BSCL2: variants seen among roughly 807,000 people sequenced by gnomAD.
BSCL2 encodes seipin.
In BSCL2, 41 loss-of-function variants were observed where a neutral mutation model predicts 57.4. That is an observed-to-expected ratio of 0.71 (90% CI 0.56 to 0.93). BSCL2 has a LOEUF of 0.93. BSCL2 is among the 40% of genes least tolerant of loss of function. The probability of loss-of-function intolerance (pLI) is 0.00; values close to 1 mark genes in which losing one functional copy is unlikely to be tolerated. For missense variants in BSCL2, 539 were observed against 586.7 expected (o/e 0.92, Z 0.84); for synonymous variants, 237 against 227.3 (o/e 1.04, Z -0.38).
In BSCL2 at chr11:62,691,407, T is replaced by C; in HGVS notation, c.878A>G (p.Asn293Ser). ...HFTGLRYLLY[N>S]FPMTCAFIGV... ...TATGAAGGCGCAGGTCATCGGGAAG[T>C]TGTATAGCAGGTATCTGAGGCAGGA... Residue 293 changes from asparagine (N) to serine (S), a missense_variant, in exon 7 of 11, where the codon AAC becomes AGC. By Grantham distance (46) the Asn-to-Ser change is conservative. This residue lies in a region of BSCL2 where 248 missense variants were observed against 239.9 expected (regional missense o/e 1.03). Coordinates refer to ENST00000360796, the MANE Select transcript of BSCL2 (RefSeq NM_001122955.4). The C allele has an allele frequency of 3.1e-6, 5 of 1,614,090 alleles. No individual in the cohort carries two copies. Among genetic ancestry groups the C allele is most frequent in the Admixed American group, 1.7e-5 (1 of 60,008 alleles).
Position 62,705,599 on chromosome 11 carries a change from A to C in BSCL2, c.106T>G (p.Ser36Ala). 1 of 1,547,630 alleles carries C rather than the reference A, an allele frequency of 6.5e-7. No individual in the cohort carries two copies. The highest frequency in any genetic ancestry group is 8.7e-7 in the Non-Finnish European group (1 of 1,142,958). The change falls in exon 2 of 11, where the codon TCC (serine) becomes GCC (alanine). Residue 36 changes from serine to alanine, a missense_variant. Ser to Ala is a moderately conservative substitution (Grantham distance 99). Transcript: ENST00000360796. ...DKEEEPPAAASHGQGWRPGGR... is the reference protein window; with the variant it reads ...DKEEEPPAAAAHGQGWRPGGR... Reference sequence around the variant, plus strand: ...CCTGGACGCCACCCCTGGCCATGGGATGCAGCAGCTGGTGGTTCCTGGAAA... The same window carrying C: ...CCTGGACGCCACCCCTGGCCATGGGCTGCAGCAGCTGGTGGTTCCTGGAAA...
chr11:62,704,265 G>A (rs1453257087), intron 2 of BSCL2, among the ~76,000 whole-genome samples: 1 of 150,592 alleles, frequency 6.6e-6, no homozygotes, highest in Non-Finnish European at 1.5e-5. Context: ...TAGCCAACAT[G>A]GTGAAACCCC....
chr11:62,707,095 A>ACAAGGGCCCCTACCTCCTCTTT lies in BSCL2; in HGVS notation c.79_87+13dup. On this transcript the variant is annotated intron_variant, in intron 1 of 10. Transcript: ENST00000360796. The stretch of plus-strand genomic sequence containing the variant: ...CAGTATATTTCTGCTGACTGTCCCC[A>ACAAGGGCCCCTACCTCCTCTTT]CAAGGGCCCCTACCTCCTCTTTGTC... The ACAAGGGCCCCTACCTCCTCTTT allele has an allele frequency of 6.4e-7, 1 of 1,551,020 alleles. No individual in the cohort carries two copies. Among genetic ancestry groups the ACAAGGGCCCCTACCTCCTCTTT allele is most frequent in the Non-Finnish European group, 8.7e-7 (1 of 1,146,062 alleles).
At chr11:62,708,555 G>A (rs991883653), upstream of BSCL2, 1 of 1,406,478 alleles carries the variant, frequency 7.1e-7, no homozygotes. Context: ...CTCTGGGGGG[G>A]ATGAGGGAGA....
chr11:62,703,162 A>G (rs1945695027), intron 2 of BSCL2, among the ~76,000 whole-genome samples: 1 of 151,650 alleles, frequency 6.6e-6, no homozygotes, highest in South Asian at 2.1e-4. Flanking sequence ...AAAAAAAAAA[A>G]AAGGAAATTC....
At chr11:62,692,949 A>C in intron 4 of BSCL2, 152 bp from the exon 5 acceptor site, 1 of 943,600 alleles carries the variant, frequency 1.1e-6, no homozygotes. Flanking sequence ...CCTCAGTCTC[A>C]TCCAACCATT....
At chr11:62,700,130 C>T (rs1945595555) in intron 3 of BSCL2, among the ~76,000 whole-genome samples, 1 of 147,978 alleles carries the variant, frequency 6.8e-6, no homozygotes, top group South Asian at 2.1e-4. Context: ...TGGCACACAC[C>T]TGTAGTCCCA....
At chr11:62,699,124 C>T (rs934320571) in intron 3 of BSCL2, among the ~76,000 whole-genome samples, 2 of 151,652 alleles carry the variant, frequency 1.3e-5, no homozygotes, top group East Asian at 2.0e-4. Flanking sequence ...AGGATGGTCT[C>T]GATCTCTTGA....
chr11:62,706,425 T>G (rs1175793919), intron 1 of BSCL2: 6 of 541,918 alleles, frequency 1.1e-5, no homozygotes, highest in Non-Finnish European at 1.7e-5. Context: ...CTTCCCGAGC[T>G]GCGAGGTCGC....
chr11:62,699,248 A>G (rs930735101), intron 3 of BSCL2, among the ~76,000 whole-genome samples: 1 of 149,976 alleles, frequency 6.7e-6, no homozygotes, highest in Admixed American at 6.7e-5. Context: ...CCCAGGCTGG[A>G]GTGCAGTGGC....
intron 1 of BSCL2, chr11:62,706,528 C>G (rs2083541609): frequency 2.2e-5 from 10 of 451,570 alleles, no homozygotes; most frequent in South Asian, 1.6e-4. Flanking sequence ...CCCTGCAGGC[C>G]CCAAGATGTG....
intron 3 of BSCL2, among the ~76,000 whole-genome samples, chr11:62,696,547 C>T (rs1285939222): frequency 6.6e-6 from 1 of 151,704 alleles, no homozygotes; most frequent in Non-Finnish European, 1.5e-5. Context: ...CAACCACTCC[C>T]CCAGTCTATT....
At chr11:62,704,124 C>CAAAAAG (rs1945738884) in intron 2 of BSCL2, among the ~76,000 whole-genome samples, 1 of 124,892 alleles carries the variant, frequency 8.0e-6, no homozygotes, top group Non-Finnish European at 1.7e-5. Flanking sequence ...GACTCTGTCT[C>CAAAAAG]AAAAAGAAAA....
chr11:62,709,491 TCGTACAGCAGAG>T, upstream of BSCL2: 1 of 453,690 alleles, frequency 2.2e-6, no homozygotes, highest in Non-Finnish European at 4.4e-6. Context: ...GGGAGTGCAG[TCGTACAGCAGAG>T]GAACTCTTAG....
chr11:62,704,184 C>T (rs1173873345), intron 2 of BSCL2, among the ~76,000 whole-genome samples: 6 of 144,802 alleles, frequency 4.1e-5, no homozygotes, highest in South Asian at 2.2e-4. Flanking sequence ...CAGTGGCTCA[C>T]GTCTGTAATC....
chr11:62,697,326 C>T (rs1440058936), intron 3 of BSCL2, among the ~76,000 whole-genome samples: 2 of 141,038 alleles, frequency 1.4e-5, no homozygotes, highest in African/African-American at 5.3e-5. Flanking sequence ...ACCCGGGAGG[C>T]GGAGCTTGCA....
Position 62,692,684 on chromosome 11 carries a change from G to A in BSCL2, c.744C>T (p.Tyr248=), listed in dbSNP as rs766655185. The change falls in exon 5 of 11, where the codon TAC becomes TAT. Residue 248 remains tyrosine (Y), a synonymous_variant. Transcript: ENST00000360796. ...TCACCGAGTTCTCTCTATAGTCTGC[G>A]TAGAGTTCCACCTCCAGCAGCTGCT... ...EQKQLLEVEL[Y]ADYRENSYVP... 6 of 1,614,008 alleles carry A rather than the reference G, an allele frequency of 3.7e-6. No homozygotes were observed. The African/African-American group carries it at 4.0e-5, about 11-fold the overall frequency.
In BSCL2 at chr11:62,707,118, G is replaced by T. The variant is rs1166256164; in HGVS notation, c.78C>A (p.Asp26Glu). 6 of 1,553,490 alleles carry T rather than the reference G, an allele frequency of 3.9e-6. No homozygotes were observed. The change falls in exon 1 of 11, where the codon GAC becomes GAA. Residue 26 changes from aspartate (D) to glutamate (E), a missense_variant. By Grantham distance (45) the Asp-to-Glu change is conservative. This residue lies in a region of BSCL2 where 218 missense variants were observed against 224.8 expected (regional missense o/e 0.97). Coordinates refer to ENST00000360796, the MANE Select transcript of BSCL2 (RefSeq NM_001122955.4). ...EVCGDQIKGP[D>E]KEEEPPAAAS... Reference sequence around the variant, plus strand: ...CCACAAGGGCCCCTACCTCCTCTTTGTCCGGTCCTTTGATCTGGTCTCCGC... The same window carrying T: ...CCACAAGGGCCCCTACCTCCTCTTTTTCCGGTCCTTTGATCTGGTCTCCGC...
chr11:62,691,121 G>C lies in BSCL2; in HGVS notation c.1026C>G (p.Asp342Glu), dbSNP rs1945297760. The C allele has an allele frequency of 1.2e-6, 2 of 1,614,206 alleles. No individual in the cohort carries two copies. The highest frequency in any genetic ancestry group is 1.7e-6 in the Non-Finnish European group (2 of 1,180,034). Reference protein sequence around the residue: ...FSLQVNIRKRDNSRKEVQRRI... With the variant: ...FSLQVNIRKRENSRKEVQRRI... ...TTCGTTGGACTTCCTTCCGGGAATT[G>C]TCTCTTTTTCGGATGTTAACCTGTG... The change falls in exon 8 of 11, where the codon GAC (aspartate) becomes GAG (glutamate). Residue 342 changes from aspartate to glutamate, a missense_variant. By Grantham distance (45) the Asp-to-Glu change is conservative. Coordinates refer to ENST00000360796, the MANE Select transcript of BSCL2 (RefSeq NM_001122955.4).
Sources: gnomAD v4.1 joint callset for allele counts (sites outside exome capture counted in the v4.1 genomes callset) on GRCh38, gnomAD v4.1.1 for gene constraint, gnomAD v4.1.1 regional missense constraint, MANE v1.5 for transcripts, NCBI Gene and HGNC (gene_info 2026-07-23, HGNC 2026-07-21) for gene names.